The following DLGAP2 variants were observed in gnomAD, a reference collection of about 807,000 sequenced individuals.
DLGAP2 encodes the protein disks large-associated protein 2.
In DLGAP2, 26 loss-of-function variants were observed where a neutral mutation model predicts 100.3. The ratio of observed to expected loss-of-function variants is 0.26; its 90% CI spans 0.19 to 0.36. The LOEUF is 0.36. DLGAP2 is among the 10% of genes least tolerant of loss of function. The pLI is 1.00. For missense variants in DLGAP2, 1,858 were observed against 1,453.2 expected (o/e 1.28, Z -4.53); for synonymous variants, 886 against 630.1 (o/e 1.41, Z -6.08).
Position 795,835 on chromosome 8 carries a change from G to T in DLGAP2, c.18+58010G>T, listed in dbSNP as rs181239421. Among the ~76,000 whole-genome samples, 62 of 136,032 alleles carry T rather than the reference G, an allele frequency of 4.6e-4. 11 individuals are homozygous for T. The highest frequency in any genetic ancestry group is 7.0e-4 in the Non-Finnish European group (43 of 61,376). 89.2% of individuals were successfully genotyped at this position (136,032 alleles called of 152,430 possible). ...TGAGAGCAGGCGTCCGGTGAGAGCA[G>T]CTGTCCGGTGAGAGCAGGCGTCCAG... On this transcript the variant is annotated intron_variant, in intron 1 of 14. Coordinates refer to ENST00000637795, the MANE Select transcript of DLGAP2 (RefSeq NM_001346810.2).
At chr8:865,340 T>C (rs759361371) in intron 1 of DLGAP2, among the ~76,000 whole-genome samples, 8 of 152,242 alleles carry the variant, frequency 5.3e-5, no homozygotes, top group Admixed American at 6.5e-5. Context: ...CACAGGCTCA[T>C]GCTTTTATAT....
At chr8:1,517,403 G>A (rs1385015382) in intron 4 of DLGAP2, among the ~76,000 whole-genome samples, 1 of 152,108 alleles carries the variant, frequency 6.6e-6, no homozygotes, top group Non-Finnish European at 1.5e-5. Context: ...GCACCCCTGG[G>A]CGCCCAGTGC....
chr8:1,232,795 T>C (rs1798564597), intron 2 of DLGAP2, among the ~76,000 whole-genome samples: 1 of 152,216 alleles, frequency 6.6e-6, no homozygotes. Context: ...TTTATTGAAG[T>C]GTAGTAAACG....
intron 3 of DLGAP2, among the ~76,000 whole-genome samples, chr8:1,464,316 A>AGCTCCCTTCCAGGATG (rs1563164892): frequency 0.049 from 2,553 of 52,582 alleles, 544 homozygotes; most frequent in East Asian, 0.21. Context: ...CTTCCAGGAC[A>AGCTCCCTTCCAGGATG]ACGCCCTTCC....
intron 3 of DLGAP2, among the ~76,000 whole-genome samples, chr8:1,430,098 A>ACCACTGC (rs1034096487): frequency 4.1e-5 from 6 of 144,948 alleles, no homozygotes; most frequent in East Asian, 2.1e-4. Context: ...GGTAAAATAA[A>ACCACTGC]CCACTGCCGC....
intron 1 of DLGAP2, among the ~76,000 whole-genome samples, chr8:844,271 T>A (rs1352565145): frequency 6.6e-6 from 1 of 152,210 alleles, no homozygotes; most frequent in Non-Finnish European, 1.5e-5. Context: ...TTACTTTTTT[T>A]AAAAAGACAT....
chr8:1,688,739 C>A (rs910457879), intron 12 of DLGAP2, among the ~76,000 whole-genome samples: 7 of 152,156 alleles, frequency 4.6e-5, no homozygotes, highest in African/African-American at 7.2e-5. Flanking sequence ...TTATCCTACC[C>A]AGGAGAAAAT....
intron 2 of DLGAP2, among the ~76,000 whole-genome samples, chr8:1,214,644 T>C (rs1051856330): frequency 2.6e-5 from 4 of 152,246 alleles, no homozygotes; most frequent in Admixed American, 6.5e-5. Context: ...ATTGTCTGTT[T>C]TCAGTTAGGC....
chr8:1,229,040 A>G (rs781731706), intron 2 of DLGAP2, among the ~76,000 whole-genome samples: 1 of 152,308 alleles, frequency 6.6e-6, no homozygotes, highest in South Asian at 2.1e-4. Flanking sequence ...AAATTTCCTA[A>G]CAAATTATTA....
At chr8:1,252,012 G>A (rs757058304) in intron 2 of DLGAP2, among the ~76,000 whole-genome samples, 12 of 152,006 alleles carry the variant, frequency 7.9e-5, no homozygotes, top group Non-Finnish European at 1.6e-4. Flanking sequence ...TGGGTGTGTT[G>A]TGTTGTCCTG....
intron 1 of DLGAP2, among the ~76,000 whole-genome samples, chr8:801,869 C>T (rs1796160009): frequency 1.3e-5 from 2 of 151,956 alleles, no homozygotes; most frequent in East Asian, 1.9e-4. Flanking sequence ...GTACCTGAGC[C>T]GCCTGACCCT....
Position 1,701,460 on chromosome 8 carries a change from C to T in DLGAP2, c.*54C>T. 1 of 1,508,754 alleles carries T rather than the reference C, an allele frequency of 6.6e-7. No homozygotes were observed. Among genetic ancestry groups the T allele is most frequent in the Non-Finnish European group, 8.9e-7 (1 of 1,122,210 alleles). 93.5% of individuals were successfully genotyped at this position (1,508,754 alleles called of 1,614,324 possible). A position where few individuals can be genotyped will look rare whatever the true frequency, so the allele number is the denominator to read the frequency against. Reference sequence around the variant, plus strand: ...GCTTCCGCTTTCCCGGACGCTTGTGCAGCGCGGCGCCGCCCTGGTGGTTTC... The same window carrying T: ...GCTTCCGCTTTCCCGGACGCTTGTGTAGCGCGGCGCCGCCCTGGTGGTTTC... On this transcript the variant is annotated 3_prime_UTR_variant, in exon 15 of 15. Coordinates refer to ENST00000637795, the MANE Select transcript of DLGAP2 (RefSeq NM_001346810.2).
At chr8:1,308,977 A>G (rs947043300) in intron 3 of DLGAP2, among the ~76,000 whole-genome samples, 1 of 152,218 alleles carries the variant, frequency 6.6e-6, no homozygotes, top group African/African-American at 2.4e-5. Flanking sequence ...AATTTACTCT[A>G]GAGGTTCAGC....
chr8:1,364,556 G>A (rs1038844758), intron 3 of DLGAP2, among the ~76,000 whole-genome samples: 1 of 152,212 alleles, frequency 6.6e-6, no homozygotes, highest in African/African-American at 2.4e-5. Context: ...GGGCTGGCGG[G>A]AAGCGTCTCT....
At chr8:1,060,422 C>T (rs933562281) in intron 2 of DLGAP2, among the ~76,000 whole-genome samples, 7 of 151,792 alleles carry the variant, frequency 4.6e-5, no homozygotes, top group Non-Finnish European at 1.0e-4. Context: ...CCGCTGTGTC[C>T]TTGCTGTGTC....
intron 1 of DLGAP2, among the ~76,000 whole-genome samples, chr8:873,423 A>G (rs977041039): frequency 6.6e-6 from 1 of 152,236 alleles, no homozygotes; most frequent in African/African-American, 2.4e-5. Flanking sequence ...GAGAAACAGA[A>G]TTTAGTCTTC....
At chr8:895,783 A>T (rs1390328751) in intron 1 of DLGAP2, among the ~76,000 whole-genome samples, 1 of 151,578 alleles carries the variant, frequency 6.6e-6, no homozygotes, top group Non-Finnish European at 1.5e-5. Flanking sequence ...GAGAGGTGTC[A>T]ATCCCCAGGG....
intron 2 of DLGAP2, among the ~76,000 whole-genome samples, chr8:968,094 T>C (rs990712678): frequency 1.3e-5 from 2 of 151,842 alleles, no homozygotes; most frequent in South Asian, 4.2e-4. Flanking sequence ...TCTTTCCTTT[T>C]GTGTTCCCTC....
At chr8:1,683,844 ATATATATATATATG>A (rs1423795402) in intron 12 of DLGAP2, among the ~76,000 whole-genome samples, 13 of 67,972 alleles carry the variant, frequency 1.9e-4, no homozygotes, top group East Asian at 1.1e-3. Context: ...CTATATATAT[ATATATATATATATG>A]TGTGTGTGTG....
Sources: gnomAD v4.1 joint callset for allele counts (sites outside exome capture counted in the v4.1 genomes callset) on GRCh38, gnomAD v4.1.1 for gene constraint, MANE v1.5 for transcripts, NCBI Gene and HGNC (gene_info 2026-07-23, HGNC 2026-07-21) for gene names.